Variants in ARHGAP6 observed in about 807,000 individuals in gnomAD.
The protein encoded by ARHGAP6 is rho GTPase-activating protein 6.
A neutral mutation model predicts 55.7 loss-of-function variants in ARHGAP6; 16 were observed. That is an observed-to-expected ratio of 0.29 (90% CI 0.19 to 0.44). ARHGAP6 has a LOEUF of 0.44. Ranked by LOEUF, ARHGAP6 falls within the 20% of genes least tolerant of loss-of-function variation. The probability of loss-of-function intolerance (pLI) is 1.00; values close to 1 mark genes in which losing one functional copy is unlikely to be tolerated. For synonymous variants in ARHGAP6, 382 were observed against 360.9 expected (o/e 1.06, Z -0.66); for missense variants, 698 against 808.9 (o/e 0.86, Z 1.66).
Position 11,655,240 on chromosome X carries a change from T to G in ARHGAP6, c.588+9001A>C, listed in dbSNP as rs761111958. Among the ~76,000 whole-genome samples the G allele has an allele frequency of 4.2e-5, 4 of 94,574 alleles. No individual in the cohort carries two copies. In the East Asian group the frequency reaches 1.7e-3, roughly 39 times the overall value. 82.1% of individuals were successfully genotyped at this position (94,574 alleles called of 115,157 possible). A position where few individuals can be genotyped will look rare whatever the true frequency, so the allele number is the denominator to read the frequency against. On this transcript the variant is annotated intron_variant, in intron 1 of 12. Coordinates refer to ENST00000337414, the MANE Select transcript of ARHGAP6 (RefSeq NM_013427.3). ...TCAGTACTTCATTCCTTTTTATTGT[T>G]GAGTAATTTTTCATTAATCACATTT...
intron 1 of ARHGAP6, among the ~76,000 whole-genome samples, chrX:11,452,043 T>C (rs2050148251): frequency 8.9e-6 from 1 of 112,747 alleles, no homozygotes; most frequent in Non-Finnish European, 1.9e-5. Context: ...ATTCCATCAA[T>C]GGGTTCAGAG....
At position 11,536,497 on chromosome X, in the gene ARHGAP6, C is replaced by T. The variant is rs1483062649; in HGVS notation, c.588+127744G>A. Among the ~76,000 whole-genome samples the T allele has an allele frequency of 3.6e-5, 4 of 111,900 alleles. No individual in the cohort carries two copies. In the East Asian group the frequency reaches 1.1e-3, roughly 31 times the overall value. On this transcript the variant is annotated intron_variant, in intron 1 of 12. Coordinates refer to ENST00000337414, the MANE Select transcript of ARHGAP6 (RefSeq NM_013427.3). ...TCCTCCCTTCTCTGTCTCACACCTC[C>T]GCTCCTCTACTTTTATTCTCCAAAT...
chrX:11,214,080 G>C (rs2147396707), intron 2 of ARHGAP6, among the ~76,000 whole-genome samples: 2 of 110,646 alleles, frequency 1.8e-5, no homozygotes, highest in East Asian at 5.7e-4. Flanking sequence ...TCTAACTGAA[G>C]TACCCAAAGG....
At chrX:11,303,382 A>G (rs1427412489) in intron 1 of ARHGAP6, among the ~76,000 whole-genome samples, 2 of 112,314 alleles carry the variant, frequency 1.8e-5, no homozygotes, top group African/African-American at 3.2e-5. Context: ...CAGACGATAA[A>G]TAATTATTGA....
intron 2 of ARHGAP6, among the ~76,000 whole-genome samples, chrX:11,200,636 A>G (rs897085881): frequency 2.7e-5 from 3 of 112,287 alleles, no homozygotes; most frequent in Non-Finnish European, 3.8e-5. Context: ...TTCTCTAGTT[A>G]GACTAGCTCT....
intron 1 of ARHGAP6, among the ~76,000 whole-genome samples, chrX:11,450,201 TAA>T (rs1491480683): frequency 1.1e-5 from 1 of 95,147 alleles, no homozygotes; most frequent in Non-Finnish European, 2.1e-5. Context: ...GAACAAATAA[TAA>T]GTGTGTGTGT....
intron 1 of ARHGAP6, among the ~76,000 whole-genome samples, chrX:11,627,070 A>G (rs1357243997): frequency 2.7e-5 from 3 of 111,801 alleles, no homozygotes; most frequent in African/African-American, 3.2e-5. Context: ...AAAAAAATCA[A>G]TGATAATCCT....
At chrX:11,458,713 G>A (rs1414346365) in intron 1 of ARHGAP6, among the ~76,000 whole-genome samples, 1 of 111,923 alleles carries the variant, frequency 8.9e-6, no homozygotes, top group Non-Finnish European at 1.9e-5. Flanking sequence ...TATTTCCTGA[G>A]CGCTGATCAT....
intron 11 of ARHGAP6, 196 bp from the exon 12 acceptor site, chrX:11,142,509 C>T (rs965664201): frequency 1.4e-5 from 3 of 207,040 alleles, no homozygotes; most frequent in African/African-American, 8.7e-5. Context: ...CTATATCATG[C>T]TCGTGGTAGA....
rs1569244982 is a variant in ARHGAP6, at chrX:11,182,043, A to T, written c.1329+20T>A. The T allele has an allele frequency of 8.4e-7, 1 of 1,184,339 alleles. No individual in the cohort carries two copies. Among genetic ancestry groups the T allele is most frequent in the Non-Finnish European group, 1.1e-6 (1 of 874,506 alleles). ...TTGAAAGTCATGTGAAACAAAATAT[A>T]ATCTTTACTTTTCACTTACTTGTCT... is the stretch of plus-strand genomic sequence containing the variant. On this transcript the variant is annotated intron_variant, in intron 6 of 12. Coordinates refer to ENST00000337414, the MANE Select transcript of ARHGAP6 (RefSeq NM_013427.3).
intron 1 of ARHGAP6, among the ~76,000 whole-genome samples, chrX:11,477,892 A>C (rs1272690895): frequency 2.7e-5 from 3 of 111,859 alleles, no homozygotes; most frequent in Non-Finnish European, 5.7e-5. Context: ...TGGTGATGGA[A>C]ATATTTGATA....
At chrX:11,170,519 C>G (rs1217341977) in intron 8 of ARHGAP6, among the ~76,000 whole-genome samples, 1 of 111,396 alleles carries the variant, frequency 9.0e-6, no homozygotes, top group Non-Finnish European at 1.9e-5. Flanking sequence ...GGATTCTGAA[C>G]AGAGCAGAAT....
intron 2 of ARHGAP6, among the ~76,000 whole-genome samples, chrX:11,208,387 T>C (rs2046739251): frequency 1.8e-5 from 2 of 111,774 alleles, no homozygotes; most frequent in Admixed American, 1.9e-4. Flanking sequence ...ATTCTAGGCA[T>C]GGTGTGTTTA....
intron 2 of ARHGAP6, among the ~76,000 whole-genome samples, chrX:11,242,161 T>C (rs2147462012): frequency 8.9e-6 from 1 of 112,382 alleles, no homozygotes; most frequent in African/African-American, 3.2e-5. Context: ...AAAAAACTTC[T>C]GGATCCTCGA....
chrX:11,596,456 G>A, intron 1 of ARHGAP6, among the ~76,000 whole-genome samples: 1 of 111,129 alleles, frequency 9.0e-6, no homozygotes, highest in Non-Finnish European at 1.9e-5. Context: ...ATAACATTAG[G>A]AGAAATACCT....
chrX:11,520,511 A>G (rs1012447989), intron 1 of ARHGAP6, among the ~76,000 whole-genome samples: 1 of 110,220 alleles, frequency 9.1e-6, no homozygotes, highest in African/African-American at 3.3e-5. Flanking sequence ...TTATGACTGC[A>G]TAGTATTCCA....
Position 11,240,333 on chromosome X carries a change from T to C in ARHGAP6, c.748+14215A>G, listed in dbSNP as rs375808563. The stretch of plus-strand genomic sequence containing the variant: ...GAAATGGAATGGATAGCAGCTCTGA[T>C]AGAAAAGAGGAATAGTAATCTAGGA... On this transcript the variant is annotated intron_variant, in intron 2 of 12. Transcript: ENST00000337414. Among the ~76,000 whole-genome samples the C allele has an allele frequency of 8.1e-5, 9 of 111,801 alleles. No homozygotes were observed. In the South Asian group the frequency reaches 1.9e-3, roughly 23 times the overall value.
intron 1 of ARHGAP6, among the ~76,000 whole-genome samples, chrX:11,518,405 A>G (rs1412230012): frequency 7.3e-5 from 8 of 109,198 alleles, no homozygotes; most frequent in Non-Finnish European, 1.1e-4. Flanking sequence ...TGGCCTCCCA[A>G]AGTACTGGAA....
At chrX:11,166,383 C>T (rs1394099437) in intron 9 of ARHGAP6, among the ~76,000 whole-genome samples, 5 of 111,900 alleles carry the variant, frequency 4.5e-5, no homozygotes, top group African/African-American at 1.6e-4. Context: ...GAAGTGACAC[C>T]TCCCTTTCCG....
Sources: allele counts gnomAD v4.1 joint callset (sites outside exome capture counted in the v4.1 genomes callset), GRCh38; gene constraint gnomAD v4.1.1; transcripts MANE v1.5; gene names NCBI Gene and HGNC (gene_info 2026-07-23, HGNC 2026-07-21).